UBR1: variants seen among roughly 807,000 people sequenced by gnomAD.
The protein encoded by UBR1 is ubiquitin protein ligase E3 component n-recognin 1, also known as E3 ubiquitin-protein ligase UBR1.
Under a neutral mutation model 242.1 loss-of-function variants are expected in UBR1, and 102 were observed. That is an observed-to-expected ratio of 0.42 (90% CI 0.36 to 0.50). The LOEUF (loss-of-function observed/expected upper bound fraction) is 0.50. UBR1 is among the 20% of genes least tolerant of loss of function. The pLI is 0.01. For synonymous variants in UBR1, 675 were observed against 684.8 expected, an observed-to-expected ratio of 0.99 and a Z score of 0.22; for missense variants, 1,772 against 2,101.8, an observed-to-expected ratio of 0.84 and a Z score of 3.07.
intron 12 of UBR1, among the ~76,000 whole-genome samples, chr15:43,049,432 G>A (rs1012976159): frequency 3.9e-5 from 6 of 151,978 alleles, no homozygotes; most frequent in Non-Finnish European, 7.4e-5. Flanking sequence ...GCGTGGTGGC[G>A]GGTGCCTGTA....
intron 45 of UBR1, chr15:42,950,685 A>G: frequency 2.9e-6 from 1 of 346,020 alleles, no homozygotes. Context: ...GGTTGTTTCT[A>G]TTCTAATTCC....
At chr15:42,957,971 A>G (rs769746849) in intron 44 of UBR1, 42 bp downstream of exon 44, 1 of 1,531,542 alleles carries the variant, frequency 6.5e-7, no homozygotes, top group Non-Finnish European at 9.0e-7. Context: ...AGTTCAGAAA[A>G]TGATTTAAAA....
chr15:43,098,261 C>T (rs570751127), intron 1 of UBR1, among the ~76,000 whole-genome samples: 1 of 152,228 alleles, frequency 6.6e-6, no homozygotes, highest in Non-Finnish European at 1.5e-5. Flanking sequence ...CACCCCAAAA[C>T]AATTACAATA....
At chr15:43,055,134 A>T (rs2033601319) in intron 11 of UBR1, among the ~76,000 whole-genome samples, 1 of 152,232 alleles carries the variant, frequency 6.6e-6, no homozygotes, top group African/African-American at 2.4e-5. Flanking sequence ...CAAGCCCATT[A>T]GACAGGTTAT....
At chr15:42,947,076 T>A (rs2031750176) in intron 46 of UBR1, among the ~76,000 whole-genome samples, 1 of 152,036 alleles carries the variant, frequency 6.6e-6, no homozygotes, top group Admixed American at 6.6e-5. Context: ...GCTTGAACCC[T>A]GGAGGTAGAC....
intron 44 of UBR1, among the ~76,000 whole-genome samples, chr15:42,956,431 C>A (rs908476007): frequency 6.6e-6 from 1 of 152,172 alleles, no homozygotes; most frequent in Non-Finnish European, 1.5e-5. Context: ...GTGATTCTCA[C>A]GCCTCAGCCT....
Position 43,068,026 on chromosome 15 carries a change from C to T in UBR1, c.670G>A (p.Glu224Lys), listed in dbSNP as rs1224339094. 1 of 1,537,592 alleles carries T rather than the reference C, an allele frequency of 6.5e-7. No individual in the cohort carries two copies. The change falls in exon 6 of 47, where the codon GAA becomes AAA. Residue 224 changes from glutamate to lysine, a missense_variant. Glu to Lys is a moderately conservative substitution (Grantham distance 56). Transcript: ENST00000290650. ...TTGAAAAGGACACAATAGTATCTTTCATTTTTCTCCCTGTTAGAAAAAAAA... is the reference window on the plus strand; with the variant it reads ...TTGAAAAGGACACAATAGTATCTTTTATTTTTCTCCCTGTTAGAAAAAAAA... Reference protein sequence around the residue: ...PPELQIREKNERYYCVLFNDE... With the variant: ...PPELQIREKNKRYYCVLFNDE...
At chr15:43,060,021 T>G (rs767389534) in intron 7 of UBR1, 31 bp downstream of exon 7, 110 of 1,610,522 alleles carry the variant, frequency 6.8e-5, no homozygotes, top group Non-Finnish European at 9.3e-5. Context: ...CATCTTTAAC[T>G]TCTCTTTTTC....
chr15:43,032,555 G>T lies in UBR1; in HGVS notation c.2254+13C>A. ...CCCATGTTCTATTTCAAAACATTGT[G>T]TTTTAATCTTACCCACAATATAGAT... On this transcript the variant is annotated intron_variant, in intron 20 of 46. Transcript: ENST00000290650. The T allele has an allele frequency of 6.6e-7, 1 of 1,514,122 alleles. No individual in the cohort carries two copies. Among genetic ancestry groups the T allele is most frequent in the Non-Finnish European group, 9.1e-7 (1 of 1,095,260 alleles). 93.8% of individuals were successfully genotyped at this position (1,514,122 alleles called of 1,614,324 possible). A position where few individuals can be genotyped will look rare whatever the true frequency, so the allele number is the denominator to read the frequency against.
intron 3 of UBR1, 97 bp from the exon 4 acceptor site, chr15:43,075,186 C>A: frequency 2.0e-6 from 2 of 978,026 alleles, no homozygotes; most frequent in Non-Finnish European, 3.3e-6. Context: ...CACCAATACT[C>A]CAACCTTAAT....
intron 4 of UBR1, among the ~76,000 whole-genome samples, chr15:43,074,538 C>A (rs1337208659): frequency 6.6e-6 from 1 of 152,118 alleles, no homozygotes; most frequent in Non-Finnish European, 1.5e-5. Flanking sequence ...AAGTGATTCT[C>A]GTGCCTCAGT....
At chr15:42,984,991 A>C (rs2032437498) in intron 35 of UBR1, 49 bp from the exon 36 acceptor site, 1 of 1,277,156 alleles carries the variant, frequency 7.8e-7, no homozygotes. Flanking sequence ...ATAGTGCTAT[A>C]ATCATATACT....
At chr15:43,025,261 T>C in intron 24 of UBR1, 120 bp downstream of exon 24, 1 of 1,002,020 alleles carries the variant, frequency 1.0e-6, no homozygotes, top group East Asian at 2.6e-5. Context: ...CAAAAAGCTC[T>C]TTGCACTTCC....
chr15:43,052,504 G>A (rs2033568765), intron 12 of UBR1, among the ~76,000 whole-genome samples: 1 of 152,232 alleles, frequency 6.6e-6, no homozygotes, highest in African/African-American at 2.4e-5. Flanking sequence ...AGGCTGAACA[G>A]AGTACCTACT....
intron 43 of UBR1, 69 bp from the exon 44 acceptor site, chr15:42,958,159 G>A: frequency 9.3e-7 from 1 of 1,071,996 alleles, no homozygotes; most frequent in African/African-American, 1.6e-5. Context: ...TGCCCAAAGT[G>A]ATAGAAGAAT....
At chr15:43,005,567 G>A (rs1022029327) in intron 30 of UBR1, among the ~76,000 whole-genome samples, 8 of 152,200 alleles carry the variant, frequency 5.3e-5, no homozygotes, top group East Asian at 1.9e-4. Context: ...CCCTCTGCCC[G>A]GCCACCACCC....
At chr15:42,970,691 T>A in intron 39 of UBR1, 84 bp from the exon 40 acceptor site, 1 of 1,255,250 alleles carries the variant, frequency 8.0e-7, no homozygotes, top group Non-Finnish European at 1.2e-6. Flanking sequence ...TCCAAGACAA[T>A]AAACAACGTA....
At chr15:43,061,560 C>T (rs534727854) in intron 6 of UBR1, among the ~76,000 whole-genome samples, 1 of 151,786 alleles carries the variant, frequency 6.6e-6, no homozygotes, top group South Asian at 2.1e-4. Context: ...CATACACACA[C>T]ATATGTATAT....
chr15:43,075,178 C>G (rs1335842042), intron 3 of UBR1, 89 bp from the exon 4 acceptor site: 1 of 1,003,468 alleles, frequency 1.0e-6, no homozygotes, highest in African/African-American at 1.6e-5. Context: ...TAAATGCTCA[C>G]CAATACTCCA....
Sources: gnomAD v4.1 joint callset for allele counts (sites outside exome capture counted in the v4.1 genomes callset) on GRCh38, gnomAD v4.1.1 for gene constraint, MANE v1.5 for transcripts, NCBI Gene and HGNC (gene_info 2026-07-23, HGNC 2026-07-21) for gene names.